Variants in TRAK2 observed in about 807,000 individuals in gnomAD.
TRAK2 encodes trafficking kinesin protein 2, also known as trafficking kinesin-binding protein 2.
A neutral mutation model predicts 104.6 loss-of-function variants in TRAK2; 81 were observed. The ratio of observed to expected loss-of-function variants is 0.77; its 90% confidence interval spans 0.65 to 0.93. The LOEUF is 0.93. Ranked by LOEUF, TRAK2 falls within the 40% of genes least tolerant of loss-of-function variation. The pLI is 0.00. For missense variants in TRAK2, 1,002 were observed against 1,089.0 expected, an observed-to-expected ratio of 0.92 and a Z score of 1.12; for synonymous variants, 406 against 394.4, an observed-to-expected ratio of 1.03 and a Z score of -0.35.
At chr2:201,394,579 GATCCA>G (rs1951481113) in intron 9 of TRAK2, among the ~76,000 whole-genome samples, 4 of 151,718 alleles carry the variant, frequency 2.6e-5, no homozygotes, top group Non-Finnish European at 5.9e-5. Context: ...GACCTCAGGT[GATCCA>G]CCCACCTCGG....
At chr2:201,426,204 C>G (rs1951786971) in intron 1 of TRAK2, among the ~76,000 whole-genome samples, 1 of 152,190 alleles carries the variant, frequency 6.6e-6, no homozygotes, top group African/African-American at 2.4e-5. Flanking sequence ...ACTGCCTGAG[C>G]TCTGCCTCCT....
chr2:201,414,522 A>G (rs1179576503), intron 2 of TRAK2, among the ~76,000 whole-genome samples: 1 of 152,198 alleles, frequency 6.6e-6, no homozygotes, highest in Non-Finnish European at 1.5e-5. Flanking sequence ...TAATAAGTTT[A>G]ATAAAAGGAG....
chr2:201,413,235 C>G (rs375649029), intron 2 of TRAK2: 14 of 1,391,376 alleles, frequency 1.0e-5, no homozygotes, highest in African/African-American at 7.1e-5. Context: ...GACAGGATTT[C>G]TCATTACAGC....
intron 15 of TRAK2, among the ~76,000 whole-genome samples, chr2:201,383,580 C>A (rs1423894127): frequency 6.6e-6 from 1 of 152,202 alleles, no homozygotes; most frequent in Admixed American, 6.5e-5. Context: ...ATCCTAAGGA[C>A]ACGTGTAGAA....
chr2:201,411,359 A>G (rs764261142), intron 2 of TRAK2: 1 of 742,840 alleles, frequency 1.3e-6, no homozygotes, highest in Admixed American at 1.8e-5. Context: ...AATCACTGCC[A>G]GTCAGAAGGT....
At chr2:201,417,419 T>C (rs1054352336) in intron 2 of TRAK2, among the ~76,000 whole-genome samples, 14 of 152,060 alleles carry the variant, frequency 9.2e-5, no homozygotes, top group Non-Finnish European at 2.9e-5. Context: ...AAGTAGTTTT[T>C]TCCAGGAATG....
chr2:201,402,695 T>C (rs1951559693), intron 3 of TRAK2, among the ~76,000 whole-genome samples: 1 of 152,168 alleles, frequency 6.6e-6, no homozygotes, highest in African/African-American at 2.4e-5. Context: ...CCTTTACTTC[T>C]GGTCTCAATA....
intron 12 of TRAK2, among the ~76,000 whole-genome samples, chr2:201,388,727 G>C (rs2041743): frequency 6.6e-6 from 1 of 152,190 alleles, no homozygotes; most frequent in Non-Finnish European, 1.5e-5. Context: ...ATAATTGTGT[G>C]ACAGTGAGGC....
chr2:201,450,870 C>T (rs566490543), intron 1 of TRAK2, among the ~76,000 whole-genome samples: 1 of 152,006 alleles, frequency 6.6e-6, no homozygotes, highest in Non-Finnish European at 1.5e-5. Flanking sequence ...CTAAAGTCAG[C>T]CGTTTTTCTT....
At chr2:201,449,124 A>C (rs1404222691) in intron 1 of TRAK2, among the ~76,000 whole-genome samples, 1 of 152,228 alleles carries the variant, frequency 6.6e-6, no homozygotes, top group Non-Finnish European at 1.5e-5. Context: ...GCAGTTCAGT[A>C]AGAAATGGGA....
intron 2 of TRAK2, among the ~76,000 whole-genome samples, chr2:201,409,687 T>C (rs1489052525): frequency 1.3e-5 from 2 of 152,262 alleles, no homozygotes; most frequent in Non-Finnish European, 2.9e-5. Context: ...TTAGTTCATC[T>C]GAAAAGTAAC....
intron 1 of TRAK2, among the ~76,000 whole-genome samples, chr2:201,431,836 T>C (rs1951844743): frequency 6.6e-6 from 1 of 152,218 alleles, no homozygotes; most frequent in Non-Finnish European, 1.5e-5. Context: ...TTGGGTGATC[T>C]TGGACAAATT....
At chr2:201,440,409 T>G (rs1248290281) in intron 1 of TRAK2, among the ~76,000 whole-genome samples, 1 of 152,218 alleles carries the variant, frequency 6.6e-6, no homozygotes, top group African/African-American at 2.4e-5. Flanking sequence ...CCTGTTTTTC[T>G]GCCCTTGGCT....
At chr2:201,425,470 C>T (rs575980979) in intron 1 of TRAK2, among the ~76,000 whole-genome samples, 250 of 152,170 alleles carry the variant, frequency 1.6e-3, no homozygotes, top group Non-Finnish European at 3.0e-3. Context: ...GGTGCGATCT[C>T]GGCTCACTGC....
At chr2:201,434,253 G>A (rs1951865826) in intron 1 of TRAK2, among the ~76,000 whole-genome samples, 1 of 152,044 alleles carries the variant, frequency 6.6e-6, no homozygotes, top group South Asian at 2.1e-4. Flanking sequence ...CACTGCGCCC[G>A]GCCCATAATC....
chr2:201,393,127 A>G, intron 9 of TRAK2, 81 bp from the exon 10 acceptor site: 1 of 1,438,788 alleles, frequency 7.0e-7, no homozygotes, highest in South Asian at 1.5e-5. Context: ...TTTTGGGATA[A>G]GTATTGATTT....
At chr2:201,410,486 A>G (rs1342397946) in intron 2 of TRAK2, 1 of 770,186 alleles carries the variant, frequency 1.3e-6, no homozygotes, top group African/African-American at 1.7e-5. Context: ...CAACTACATA[A>G]AGATGTAAAT....
Position 201,399,793 on chromosome 2 carries a change from C to T in TRAK2, c.364-300G>A, listed in dbSNP as rs571603511. On this transcript the variant is annotated intron_variant, in intron 4 of 15. Coordinates refer to ENST00000332624, the MANE Select transcript of TRAK2 (RefSeq NM_015049.3). ...TCTAGCAACCCAAACTTTAAACTTA[C>T]AATTTTGGGGAATTGGAAAATCAAC... Among the ~76,000 whole-genome samples, 51 of 152,080 alleles carry T rather than the reference C, an allele frequency of 3.4e-4. 1 individual carries two copies. In the South Asian group the frequency reaches 0.01, roughly 30 times the overall value.
chr2:201,383,324 C>A (rs1464270316), intron 15 of TRAK2, among the ~76,000 whole-genome samples: 1 of 152,148 alleles, frequency 6.6e-6, no homozygotes, highest in Non-Finnish European at 1.5e-5. Flanking sequence ...AGGCCACACC[C>A]AGTAGTCTTA....
Sources: gnomAD v4.1 joint callset for allele counts (sites outside exome capture counted in the v4.1 genomes callset) on GRCh38, gnomAD v4.1.1 for gene constraint, MANE v1.5 for transcripts, NCBI Gene and HGNC (gene_info 2026-07-23, HGNC 2026-07-21) for gene names.